Variants in GALNT13 observed in about 807,000 individuals in gnomAD.
GALNT13 encodes the protein polypeptide N-acetylgalactosaminyltransferase 13, also known as UDP-GalNAc:polypeptide N-acetylgalactosaminyltransferase 13.
Under a neutral mutation model 64.2 loss-of-function variants are expected in GALNT13, and 28 were observed. The ratio of observed to expected loss-of-function variants is 0.44; its 90% confidence interval spans 0.32 to 0.60. GALNT13 has a LOEUF of 0.60. Among genes scored for constraint, GALNT13 ranks in the 20% least tolerant of loss-of-function variants. The pLI, the probability that GALNT13 is intolerant of heterozygous loss-of-function variation, is 0.05. For synonymous variants in GALNT13, 214 were observed against 224.6 expected (o/e 0.95, Z 0.42); for missense variants, 577 against 669.8 (o/e 0.86, Z 1.53).
At chr2:154,081,922 A>G (rs374981193) in intron 3 of GALNT13, among the ~76,000 whole-genome samples, 11 of 151,870 alleles carry the variant, frequency 7.2e-5, no homozygotes, top group African/African-American at 2.6e-4. Flanking sequence ...CTATCCATAC[A>G]ACCAATAGAT....
chr2:153,628,665 T>A, the GALNT13 span, among the ~76,000 whole-genome samples: 1 of 152,224 alleles, frequency 6.6e-6, no homozygotes, highest in African/African-American at 2.4e-5. Context: ...TTTGCGTATA[T>A]TGAACCAGCC....
chr2:153,926,602 A>T (rs1690152697), intron 2 of GALNT13, among the ~76,000 whole-genome samples: 1 of 152,126 alleles, frequency 6.6e-6, no homozygotes, highest in African/African-American at 2.4e-5. Flanking sequence ...TTGGAAACAG[A>T]TTACTTAAAT....
the GALNT13 span, among the ~76,000 whole-genome samples, chr2:153,828,689 T>C: frequency 6.6e-6 from 1 of 152,194 alleles, no homozygotes; most frequent in Non-Finnish European, 1.5e-5. Flanking sequence ...CACCATTGTT[T>C]GGGGATTGAC....
chr2:154,223,477 G>GT (rs1688431014), intron 4 of GALNT13, among the ~76,000 whole-genome samples: 1 of 122,256 alleles, frequency 8.2e-6, no homozygotes, highest in African/African-American at 3.3e-5. Context: ...TTGAGACAGA[G>GT]TTTTGCTCTT....
chr2:153,686,272 C>T, the GALNT13 span, among the ~76,000 whole-genome samples: 1 of 151,896 alleles, frequency 6.6e-6, no homozygotes, highest in Non-Finnish European at 1.5e-5. Context: ...TTCTTCCTAT[C>T]GAGGAGCATG....
chr2:154,285,236 T>C (rs1692195477), intron 8 of GALNT13, among the ~76,000 whole-genome samples: 1 of 152,172 alleles, frequency 6.6e-6, no homozygotes, highest in Non-Finnish European at 1.5e-5. Flanking sequence ...ATTTAATTTG[T>C]CTCTTTTTGC....
chr2:153,229,122 G>A, the GALNT13 span, among the ~76,000 whole-genome samples: 1 of 152,050 alleles, frequency 6.6e-6, no homozygotes, highest in African/African-American at 2.4e-5. Flanking sequence ...TTATGGGTGG[G>A]GCATACACTA....
chr2:154,268,199 A>C (rs1691127104), intron 8 of GALNT13, among the ~76,000 whole-genome samples: 1 of 152,350 alleles, frequency 6.6e-6, no homozygotes, highest in South Asian at 2.1e-4. Context: ...GTCCATCAGC[A>C]GGTCAATGAA....
chr2:154,118,862 T>C (rs1381819791), intron 3 of GALNT13, among the ~76,000 whole-genome samples: 1 of 152,160 alleles, frequency 6.6e-6, no homozygotes, highest in Admixed American at 6.5e-5. Flanking sequence ...TCACAGTTTA[T>C]GTTTTTGATG....
chr2:153,942,119 A>C (rs1691381413), intron 2 of GALNT13, among the ~76,000 whole-genome samples: 1 of 152,170 alleles, frequency 6.6e-6, no homozygotes. Flanking sequence ...TATTATAATA[A>C]TATTCTTCAT....
At chr2:154,269,930 A>ATATATGTGTGTATATAT (rs1553506263) in intron 8 of GALNT13, among the ~76,000 whole-genome samples, 1 of 142,894 alleles carries the variant, frequency 7.0e-6, no homozygotes, top group African/African-American at 2.5e-5. Flanking sequence ...ATATATTTCT[A>ATATATGTGTGTATATAT]AAGCACAGGG....
intron 9 of GALNT13, among the ~76,000 whole-genome samples, chr2:154,368,884 T>C (rs1196117454): frequency 6.6e-6 from 1 of 152,148 alleles, no homozygotes. Context: ...ACCATTCTCC[T>C]TGACTTCCTT....
At chr2:153,368,095 A>C in the GALNT13 span, among the ~76,000 whole-genome samples, 1 of 152,144 alleles carries the variant, frequency 6.6e-6, no homozygotes, top group African/African-American at 2.4e-5. Context: ...AGATATATAC[A>C]TAGGTTAAGA....
At chr2:153,873,854 C>G (rs200557782) in intron 1 of GALNT13, among the ~76,000 whole-genome samples, 1 of 150,988 alleles carries the variant, frequency 6.6e-6, no homozygotes, top group Non-Finnish European at 1.5e-5. Context: ...CTGTGTCTCT[C>G]TCTCTCGCTG....
At position 154,066,822 on chromosome 2, in the gene GALNT13, C is replaced by A. The variant is rs189250646; in HGVS notation, c.143-73515C>A. ...AAACTCACTGGTAATAGTAAGCACA[C>A]AGAAAAACACAGACTATTGTAACAC... On this transcript the variant is annotated intron_variant, in intron 3 of 12. Coordinates refer to ENST00000392825, the MANE Select transcript of GALNT13 (RefSeq NM_052917.4). Among the ~76,000 whole-genome samples, 31 of 151,522 alleles carry A rather than the reference C, an allele frequency of 2.0e-4. No individual in the cohort carries two copies. In the East Asian group the frequency reaches 5.4e-3, roughly 27 times the overall value.
the GALNT13 span, among the ~76,000 whole-genome samples, chr2:153,114,310 A>G: frequency 4.6e-5 from 7 of 152,088 alleles, no homozygotes; most frequent in South Asian, 1.2e-3. Context: ...CTCTCTTTCT[A>G]TCATGTTGAA....
intron 2 of GALNT13, among the ~76,000 whole-genome samples, chr2:153,904,259 A>G (rs959014712): frequency 6.6e-6 from 1 of 151,890 alleles, no homozygotes; most frequent in East Asian, 1.9e-4. Context: ...GGTTTGGGCC[A>G]TTACCCAAAT....
chr2:153,580,183 C>T, the GALNT13 span, among the ~76,000 whole-genome samples: 49 of 152,234 alleles, frequency 3.2e-4, no homozygotes, highest in East Asian at 7.0e-3. Flanking sequence ...GGTAAAAATT[C>T]ACCATTTATG....
the GALNT13 span, among the ~76,000 whole-genome samples, chr2:153,433,876 C>T: frequency 2.4e-4 from 36 of 151,918 alleles, no homozygotes; most frequent in African/African-American, 4.4e-4. Context: ...ATGTGCACCA[C>T]GTACAGGTTT....
Sources: allele counts gnomAD v4.1 joint callset (sites outside exome capture counted in the v4.1 genomes callset), GRCh38; gene constraint gnomAD v4.1.1; transcripts MANE v1.5; gene names NCBI Gene and HGNC (gene_info 2026-07-23, HGNC 2026-07-21).